The following CPED1 variants were observed in gnomAD, a reference collection of about 807,000 sequenced individuals.
CPED1 encodes cadherin-like and PC-esterase domain-containing protein 1.
In CPED1, 114 loss-of-function variants were observed where a neutral mutation model predicts 128.2. That is an observed-to-expected ratio of 0.89 (90% CI 0.76 to 1.04). CPED1 has a LOEUF of 1.04. CPED1 is among the 50% of genes least tolerant of loss of function. The pLI is 0.00. For missense variants in CPED1, 1,211 were observed against 1,207.1 expected (o/e 1.00, Z -0.05); for synonymous variants, 462 against 426.7 (o/e 1.08, Z -1.02).
At chr7:121,070,670 C>A (rs1011093770) in intron 5 of CPED1, among the ~76,000 whole-genome samples, 3 of 152,068 alleles carry the variant, frequency 2.0e-5, no homozygotes, top group African/African-American at 7.2e-5. Context: ...CCATTTAATT[C>A]ATCAGTAAGC....
intron 5 of CPED1, among the ~76,000 whole-genome samples, chr7:121,078,720 A>T (rs1794204006): frequency 6.6e-6 from 1 of 152,120 alleles, no homozygotes; most frequent in Non-Finnish European, 1.5e-5. Context: ...AAACTGGGAG[A>T]CCAACATGTG....
intron 3 of CPED1, among the ~76,000 whole-genome samples, chr7:121,038,717 T>C (rs1381801036): frequency 6.6e-6 from 1 of 152,116 alleles, no homozygotes; most frequent in East Asian, 1.9e-4. Flanking sequence ...TTCATTCAGC[T>C]CACTCCTCTT....
intron 4 of CPED1, among the ~76,000 whole-genome samples, chr7:121,053,145 T>C (rs956023141): frequency 3.3e-5 from 5 of 152,222 alleles, no homozygotes; most frequent in African/African-American, 1.2e-4. Context: ...GGTACTTTCA[T>C]CAAAACTAAG....
intron 21 of CPED1, among the ~76,000 whole-genome samples, chr7:121,270,714 G>T (rs1355207501): frequency 6.6e-6 from 1 of 152,056 alleles, no homozygotes; most frequent in African/African-American, 2.4e-5. Context: ...TGGGTTCTCT[G>T]TTCTCCTTCA....
chr7:120,995,951 C>CCTTCTT (rs1483641251), intron 2 of CPED1, among the ~76,000 whole-genome samples: 3 of 33,004 alleles, frequency 9.1e-5, no homozygotes, highest in East Asian at 7.9e-4. Flanking sequence ...TTCTTCTCCT[C>CCTTCTT]CTCCTCCTCC....
At chr7:121,281,699 G>A (rs1044592314) in intron 22 of CPED1, among the ~76,000 whole-genome samples, 1 of 152,050 alleles carries the variant, frequency 6.6e-6, no homozygotes, top group South Asian at 2.1e-4. Context: ...CTCCAAAATT[G>A]TTTTCCTAAA....
chr7:120,989,466 G>A lies in CPED1; in HGVS notation c.-156G>A. On this transcript the variant is annotated 5_prime_UTR_variant, in exon 2 of 23. The change creates a premature stop within an existing upstream ORF in the 5' untranslated region. Transcript: ENST00000310396. ...AGACTTTCGGGACCTATGATTCTTT[G>A]GCACAACCTTTTGGAAAATTCTTAA... 2.2e-6 allele frequency: 2 copies of A among 902,882 alleles called. No homozygotes were observed. The highest frequency in any genetic ancestry group is 3.3e-6 in the Non-Finnish European group (2 of 600,562). 55.9% of individuals were successfully genotyped at this position (902,882 alleles called of 1,614,324 possible). A position where few individuals can be genotyped will look rare whatever the true frequency, so the allele number is the denominator to read the frequency against.
chr7:121,090,659 C>T (rs560706208), intron 5 of CPED1, among the ~76,000 whole-genome samples: 10 of 152,050 alleles, frequency 6.6e-5, no homozygotes, highest in Middle Eastern at 3.2e-3. Flanking sequence ...ATTAAAGAAT[C>T]GATGTGTTTA....
At chr7:121,002,427 G>A (rs1262950335) in intron 2 of CPED1, among the ~76,000 whole-genome samples, 1 of 152,062 alleles carries the variant, frequency 6.6e-6, no homozygotes, top group Non-Finnish European at 1.5e-5. Flanking sequence ...GATTTTGAAT[G>A]TTTCCCTTTA....
chr7:121,242,761 T>C (rs996793158), intron 17 of CPED1, among the ~76,000 whole-genome samples: 1 of 152,152 alleles, frequency 6.6e-6, no homozygotes, highest in African/African-American at 2.4e-5. Context: ...TCAAAGTTAT[T>C]GTATATTTTC....
chr7:121,295,764 T>TGTGCACACCAGCACATGC lies in CPED1; in HGVS notation c.*113_*130dup, dbSNP rs1470653477. 1.3e-6 allele frequency: 1 copy of TGTGCACACCAGCACATGC among 777,766 alleles called. No individual in the cohort carries two copies. The highest frequency in any genetic ancestry group is 2.2e-5 in the Admixed American group (1 of 45,664). The allele number at this position is 777,766 out of a possible 1,614,324, so 48.2% of individuals were successfully genotyped here. ...ACATTTGGGATCGACCACACACACT[T>TGTGCACACCAGCACATGC]GTGCACACCAGCACATGCATGCACA... On this transcript the variant is annotated 3_prime_UTR_variant, in exon 23 of 23. Transcript: ENST00000310396.
intron 16 of CPED1, among the ~76,000 whole-genome samples, chr7:121,160,796 C>T (rs1392916955): frequency 6.6e-6 from 1 of 152,092 alleles, no homozygotes; most frequent in Non-Finnish European, 1.5e-5. Context: ...ATGTAGGCTT[C>T]TCAGGGACCC....
At chr7:121,174,306 C>G (rs1796726416) in intron 16 of CPED1, among the ~76,000 whole-genome samples, 1 of 151,990 alleles carries the variant, frequency 6.6e-6, no homozygotes, top group African/African-American at 2.4e-5. Context: ...CATTCCTATG[C>G]CTAGAATGGT....
At chr7:121,167,725 A>ATTTTTT (rs10588976) in intron 16 of CPED1, among the ~76,000 whole-genome samples, 9 of 99,246 alleles carry the variant, frequency 9.1e-5, no homozygotes, top group Non-Finnish European at 1.6e-4. Flanking sequence ...TTTAAAGTCT[A>ATTTTTT]TTTTTTTTTT....
chr7:121,039,967 T>C (rs759942465), intron 3 of CPED1, among the ~76,000 whole-genome samples: 43 of 152,104 alleles, frequency 2.8e-4, no homozygotes, highest in Non-Finnish European at 4.1e-4. Flanking sequence ...GATACTATTA[T>C]GTCTCATTGA....
rs201923605 is a variant in CPED1 at position 121,098,741 on chromosome 7, TATAAAA to T, written c.749+914_749+919del. On this transcript the variant is annotated intron_variant, in intron 6 of 22. Transcript: ENST00000310396. ...CAAGACCTTGTCTCAAATATATATA[TATAAAA>T]ATATATAAAAATATATATAAATATA... Among the ~76,000 whole-genome samples, 40 of 16,554 alleles carry T rather than the reference TATAAAA, an allele frequency of 2.4e-3. 3 individuals carry two copies. The South Asian group carries it at 0.04, about 17-fold the overall frequency. 10.9% of individuals were successfully genotyped at this position (16,554 alleles called of 152,430 possible). A position where few individuals can be genotyped will look rare whatever the true frequency, so the allele number is the denominator to read the frequency against.
chr7:121,196,620 T>C (rs1276824856), intron 16 of CPED1, among the ~76,000 whole-genome samples: 4 of 152,122 alleles, frequency 2.6e-5, no homozygotes, highest in Non-Finnish European at 5.9e-5. Flanking sequence ...TCTGGGGACA[T>C]GTAAAATTTA....
chr7:121,107,754 G>A (rs1026209035), intron 7 of CPED1, among the ~76,000 whole-genome samples: 3 of 151,990 alleles, frequency 2.0e-5, no homozygotes, highest in African/African-American at 7.2e-5. Flanking sequence ...TTACCAGTAC[G>A]TTTTGAAACT....
chr7:121,188,919 A>G (rs1167596677), intron 16 of CPED1, among the ~76,000 whole-genome samples: 3 of 152,118 alleles, frequency 2.0e-5, no homozygotes, highest in Admixed American at 1.3e-4. Context: ...CTCCTTGCAC[A>G]TGAGTATTAG....
Sources: gnomAD v4.1 joint callset for allele counts (sites outside exome capture counted in the v4.1 genomes callset) on GRCh38, gnomAD v4.1.1 for gene constraint, MANE v1.5 for transcripts, NCBI Gene and HGNC (gene_info 2026-07-23, HGNC 2026-07-21) for gene names.